ERAP2: variants seen among roughly 807,000 people sequenced by gnomAD.
ERAP2 encodes the protein endoplasmic reticulum aminopeptidase 2, also known as leukocyte-derived arginine aminopeptidase.
In ERAP2, 118 loss-of-function variants were observed where a neutral mutation model predicts 111.1. The observed-to-expected ratio is 1.06, with a 90% CI of 0.92 to 1.24. ERAP2 has a LOEUF of 1.24. Among genes scored for constraint, ERAP2 ranks in the 50% most tolerant of loss-of-function variants. The pLI is 0.00. For missense variants in ERAP2, 1,131 were observed against 1,125.8 expected, an observed-to-expected ratio of 1.00 and a Z score of -0.07; for synonymous variants, 410 against 401.2, an observed-to-expected ratio of 1.02 and a Z score of -0.26.
intron 13 of ERAP2, among the ~76,000 whole-genome samples, chr5:96,906,804 G>A (rs1362035708): frequency 6.6e-6 from 1 of 152,192 alleles, no homozygotes; most frequent in Admixed American, 6.5e-5. Flanking sequence ...GGCCAAGGCG[G>A]GTGGATCACC....
intron 3 of ERAP2, among the ~76,000 whole-genome samples, chr5:96,885,134 G>A (rs886533321): frequency 6.6e-6 from 1 of 152,134 alleles, no homozygotes; most frequent in Non-Finnish European, 1.5e-5. Flanking sequence ...ATTTGCCTCC[G>A]AACCATCTCT....
intron 1 of ERAP2, among the ~76,000 whole-genome samples, chr5:96,877,683 C>A (rs567410730): frequency 6.6e-4 from 101 of 152,324 alleles, no homozygotes; most frequent in South Asian, 4.6e-3. Flanking sequence ...GCGTTGGAAT[C>A]TGGGCACTCT....
At chr5:96,896,698 T>A (rs2548536) in intron 8 of ERAP2, 34 bp from the exon 9 acceptor site, 788,597 of 1,532,060 alleles carry the variant, frequency 0.51, 204,109 homozygotes, top group Middle Eastern at 0.6. Flanking sequence ...ATTTTCTTTA[T>A]CTCTTTTTTC....
At chr5:96,905,984 G>A (rs1414156332) in intron 13 of ERAP2, among the ~76,000 whole-genome samples, 1 of 105,292 alleles carries the variant, frequency 9.5e-6, no homozygotes, top group African/African-American at 3.8e-5. Context: ...TCCCTATATT[G>A]TACAGGCTGA....
intron 5 of ERAP2, among the ~76,000 whole-genome samples, chr5:96,890,926 A>C (rs1348752332): frequency 6.6e-6 from 1 of 152,224 alleles, no homozygotes; most frequent in African/African-American, 2.4e-5. Flanking sequence ...GCAGTCTTAA[A>C]GAGCATATGA....
chr5:96,876,394 T>G (rs1195024864), upstream of ERAP2: 1 of 152,324 alleles, frequency 6.6e-6, no homozygotes, highest in Non-Finnish European at 1.5e-5. Context: ...CTAAGCTCCA[T>G]TCACACCTGC....
intron 15 of ERAP2, among the ~76,000 whole-genome samples, chr5:96,910,669 T>C (rs1786639232): frequency 6.6e-6 from 1 of 152,240 alleles, no homozygotes; most frequent in Non-Finnish European, 1.5e-5. Flanking sequence ...ACATGTTGAA[T>C]ATACCTATGA....
At chr5:96,891,623 G>C (rs1296484682) in intron 5 of ERAP2, among the ~76,000 whole-genome samples, 1 of 151,436 alleles carries the variant, frequency 6.6e-6, no homozygotes, top group East Asian at 1.9e-4. Flanking sequence ...TTATACCTGA[G>C]TTGTTTAAAT....
intron 4 of ERAP2, 78 bp downstream of exon 4, chr5:96,886,867 T>C (rs927224270): frequency 2.4e-6 from 3 of 1,238,636 alleles, no homozygotes; most frequent in East Asian, 5.6e-5. Context: ...CTCATGTTTT[T>C]CATTGTTATC....
intron 5 of ERAP2, among the ~76,000 whole-genome samples, chr5:96,891,207 A>C (rs1196482941): frequency 6.6e-6 from 1 of 152,128 alleles, no homozygotes; most frequent in Non-Finnish European, 1.5e-5. Flanking sequence ...CTTTTAAAAA[A>C]TTATCTTTTT....
chr5:96,895,154 TA>T (rs3832368), intron 6 of ERAP2, 91 bp from the exon 7 acceptor site: 116 of 676,638 alleles, frequency 1.7e-4, no homozygotes, highest in Non-Finnish European at 2.2e-4. Flanking sequence ...TCCTAACTAA[TA>T]AAAAAAAAGT....
At chr5:96,881,333 G>A (rs1783109371) in intron 2 of ERAP2, 2 of 443,308 alleles carry the variant, frequency 4.5e-6, no homozygotes, top group African/African-American at 2.0e-5. Flanking sequence ...CTTATGGAGT[G>A]AAACAATTGA....
rs921660171 is a variant in ERAP2 at position 96,917,660 on chromosome 5, A to C, written c.*55A>C. 26 of 1,435,518 alleles carry C rather than the reference A, an allele frequency of 1.8e-5. No homozygotes were observed. Among genetic ancestry groups the C allele is most frequent in the Non-Finnish European group, 2.5e-5 (26 of 1,052,228 alleles). 88.9% of individuals were successfully genotyped at this position (1,435,518 alleles called of 1,614,324 possible). ...GGTGGCTCACGCCTGTAATCCCAGC[A>C]CTTTGGGAGGCTGAGAAGGGCGGAT... On this transcript the variant is annotated 3_prime_UTR_variant, in exon 19 of 19. Coordinates refer to ENST00000437043, the MANE Select transcript of ERAP2 (RefSeq NM_022350.5).
At chr5:96,893,838 T>G (rs12655342) in intron 6 of ERAP2, among the ~76,000 whole-genome samples, 29,362 of 152,100 alleles carry the variant, frequency 0.19, 3,515 homozygotes, top group East Asian at 0.57. Flanking sequence ...TACCTCTCCA[T>G]CCTCATCTCT....
At chr5:96,905,408 G>A (rs1026577907) in intron 13 of ERAP2, among the ~76,000 whole-genome samples, 3 of 152,094 alleles carry the variant, frequency 2.0e-5, no homozygotes, top group African/African-American at 7.2e-5. Flanking sequence ...GTAATTATGA[G>A]TCTAATTTCT....
intron 17 of ERAP2, 58 bp downstream of exon 17, chr5:96,913,515 A>G: frequency 6.4e-7 from 1 of 1,565,066 alleles, no homozygotes. Context: ...CAGTTGCCTC[A>G]AACCAAGTGT....
At chr5:96,881,446 G>A (rs924608246) in intron 2 of ERAP2, 4 of 456,104 alleles carry the variant, frequency 8.8e-6, no homozygotes, top group East Asian at 1.4e-4. Flanking sequence ...TAGAGTGGAC[G>A]GCTTGGTTTC....
At chr5:96,890,681 A>G (rs920929598) in intron 5 of ERAP2, among the ~76,000 whole-genome samples, 8 of 152,152 alleles carry the variant, frequency 5.3e-5, no homozygotes, top group Admixed American at 4.6e-4. Flanking sequence ...CATAAATTAA[A>G]AGGGACCATC....
intron 15 of ERAP2, among the ~76,000 whole-genome samples, chr5:96,910,963 T>G (rs1240563302): frequency 6.6e-6 from 1 of 152,244 alleles, no homozygotes; most frequent in Non-Finnish European, 1.5e-5. Flanking sequence ...CCAATTGTTA[T>G]AAAGTTGTTC....
Sources: allele counts gnomAD v4.1 joint callset (sites outside exome capture counted in the v4.1 genomes callset), GRCh38; gene constraint gnomAD v4.1.1; transcripts MANE v1.5; gene names NCBI Gene and HGNC (gene_info 2026-07-23, HGNC 2026-07-21).